PIGF: variants seen among roughly 807,000 people sequenced by gnomAD.
PIGF encodes the protein GPI ethanolamine phosphate transferase, stabilizing subunit.
Under a neutral mutation model 26.0 loss-of-function variants are expected in PIGF, and 23 were observed. The ratio of observed to expected loss-of-function variants is 0.88; its 90% CI spans 0.64 to 1.25. The LOEUF is 1.25. Among genes scored for constraint, PIGF ranks in the 50% most tolerant of loss-of-function variants. The pLI, the probability that PIGF is intolerant of heterozygous loss-of-function variation, is 0.00. For missense variants in PIGF, 278 were observed against 249.9 expected, an observed-to-expected ratio of 1.11 and a Z score of -0.76; for synonymous variants, 93 against 92.6, an observed-to-expected ratio of 1.00 and a Z score of -0.03.
chr2:46,595,987 G>C (rs547689329), intron 4 of PIGF, among the ~76,000 whole-genome samples: 2 of 152,184 alleles, frequency 1.3e-5, no homozygotes, highest in East Asian at 3.9e-4. Context: ...CGCAGAGGCG[G>C]GCGGATCACA....
intron 4 of PIGF, among the ~76,000 whole-genome samples, chr2:46,594,171 T>C (rs1572772292): frequency 6.6e-6 from 1 of 152,356 alleles, no homozygotes; most frequent in Non-Finnish European, 1.5e-5. Context: ...AAGGGAATTG[T>C]ACTATTTTAG....
chr2:46,605,396 T>C (rs1283423429), intron 4 of PIGF, among the ~76,000 whole-genome samples: 2 of 152,116 alleles, frequency 1.3e-5, no homozygotes, highest in Non-Finnish European at 2.9e-5. Context: ...CATAGTTATC[T>C]ATGCACTGTG....
At chr2:46,601,702 G>T (rs1380443241) in intron 4 of PIGF, among the ~76,000 whole-genome samples, 1 of 151,690 alleles carries the variant, frequency 6.6e-6, no homozygotes, top group Non-Finnish European at 1.5e-5. Flanking sequence ...TAAATCTTTG[G>T]TCACTCACTA....
intron 5 of PIGF, chr2:46,581,936 T>A (rs78431968): frequency 1.0e-5 from 2 of 195,048 alleles, no homozygotes; most frequent in African/African-American, 4.8e-5. Flanking sequence ...TTTTTTTTTT[T>A]AATTCCCACT....
At chr2:46,604,803 AG>A (rs1315236772) in intron 4 of PIGF, among the ~76,000 whole-genome samples, 4 of 152,056 alleles carry the variant, frequency 2.6e-5, no homozygotes, top group African/African-American at 9.7e-5. Flanking sequence ...ATAGCAAAAC[AG>A]GGTGACTATA....
At chr2:46,595,198 T>TC (rs1452151646) in intron 4 of PIGF, among the ~76,000 whole-genome samples, 2 of 152,192 alleles carry the variant, frequency 1.3e-5, no homozygotes, top group Non-Finnish European at 2.9e-5. Flanking sequence ...CGTGCAGCCA[T>TC]CACCACTGTA....
chr2:46,583,295 C>A (rs539962361), intron 5 of PIGF, among the ~76,000 whole-genome samples: 32 of 152,256 alleles, frequency 2.1e-4, no homozygotes, highest in African/African-American at 7.7e-4. Context: ...TGTTTCTTGA[C>A]TGGGATTTGG....
chr2:46,598,284 G>T (rs1669950764), intron 4 of PIGF, among the ~76,000 whole-genome samples: 1 of 151,278 alleles, frequency 6.6e-6, no homozygotes, highest in Admixed American at 6.6e-5. Flanking sequence ...TTTCCCCTGA[G>T]TTTCTTTTTT....
chr2:46,584,618 T>TCATGTTATGTAAATCAAGAAGTG (rs1669507763), intron 5 of PIGF, among the ~76,000 whole-genome samples: 2 of 152,174 alleles, frequency 1.3e-5, no homozygotes, highest in Non-Finnish European at 2.9e-5. Context: ...ACTTGGTTAT[T>TCATGTTATGTAAATCAAGAAGTG]CATGTTATGT....
rs186604351 is a variant in PIGF, at chr2:46,610,776, C to T, written c.437+1452G>A. 5.0e-3 allele frequency among the ~76,000 whole-genome samples: 759 copies of T among 152,086 alleles called. 4 individuals carry two copies. The highest frequency in any genetic ancestry group is 0.017 in the African/African-American group (702 of 41,502). On this transcript the variant is annotated intron_variant, in intron 4 of 5. Coordinates refer to ENST00000281382, the MANE Select transcript of PIGF (RefSeq NM_002643.4). ...AACTCCTGACCTCAGGTGATCCACCCGCCTTGGCCTCCCAAAGTGCTGAGA... is the reference window on the plus strand; with the variant it reads ...AACTCCTGACCTCAGGTGATCCACCTGCCTTGGCCTCCCAAAGTGCTGAGA...
chr2:46,609,782 C>T (rs893162607), intron 4 of PIGF, among the ~76,000 whole-genome samples: 10 of 152,004 alleles, frequency 6.6e-5, no homozygotes, highest in African/African-American at 9.7e-5. Flanking sequence ...TTATTAAGAT[C>T]GTCATCTTAT....
intron 4 of PIGF, among the ~76,000 whole-genome samples, 194 bp from the exon 5 acceptor site, chr2:46,592,777 G>C (rs1669761270): frequency 6.6e-6 from 1 of 152,180 alleles, no homozygotes; most frequent in African/African-American, 2.4e-5. Context: ...TTTTCCATTG[G>C]AAAGGTAATA....
Position 46,596,951 on chromosome 2 carries a change from T to C in PIGF, c.438-4368A>G, listed in dbSNP as rs138190207. ...AGTAAATATAATCTTTAATTGTCCATGGATGTTAAGAACTGCCTCTTTTTC... is the reference window on the plus strand; with the variant it reads ...AGTAAATATAATCTTTAATTGTCCACGGATGTTAAGAACTGCCTCTTTTTC... On this transcript the variant is annotated intron_variant, in intron 4 of 5. Coordinates refer to ENST00000281382, the MANE Select transcript of PIGF (RefSeq NM_002643.4). Among the ~76,000 whole-genome samples, 82 of 152,360 alleles carry C rather than the reference T, an allele frequency of 5.4e-4. 1 individual carries two copies. Among genetic ancestry groups the C allele is most frequent in the African/African-American group, 1.8e-3 (75 of 41,580 alleles).
chr2:46,610,280 T>C (rs966304456), intron 4 of PIGF, among the ~76,000 whole-genome samples: 6 of 152,192 alleles, frequency 3.9e-5, no homozygotes, highest in African/African-American at 1.4e-4. Context: ...CACATGACAG[T>C]ATTTCCCCCA....
intron 5 of PIGF, chr2:46,582,380 C>G (rs1186610898): frequency 6.6e-6 from 1 of 151,950 alleles, no homozygotes; most frequent in Non-Finnish European, 1.5e-5. Flanking sequence ...CTGGGGGGAA[C>G]AGGCCACAGA....
rs957253930 is a variant in PIGF at position 46,588,652 on chromosome 2, C to T, written c.546+3823G>A. ...AATTTCCTGTGCTCAGAATAACCAACAATATTTCTTAACCTTCCACTAATT... is the reference window on the plus strand; with the variant it reads ...AATTTCCTGTGCTCAGAATAACCAATAATATTTCTTAACCTTCCACTAATT... On this transcript the variant is annotated intron_variant, in intron 5 of 5. Coordinates refer to ENST00000281382, the MANE Select transcript of PIGF (RefSeq NM_002643.4). This position sits in a 1 kb window ranked among gnomAD's most constrained non-coding sequence, Gnocchi z 4.1. The T allele has an allele frequency of 1.0e-4, 16 of 152,476 alleles. No individual in the cohort carries two copies. The South Asian group carries it at 3.1e-3, about 29-fold the overall frequency. The allele number at this position is 152,476 out of a possible 1,614,324, so 9.4% of individuals were successfully genotyped here.
chr2:46,583,910 G>T (rs760468971), intron 5 of PIGF, among the ~76,000 whole-genome samples: 8 of 152,234 alleles, frequency 5.3e-5, no homozygotes, highest in Admixed American at 1.3e-4. Context: ...TAGTTCTAAA[G>T]TTCTTAAAAA....
chr2:46,597,830 T>G (rs760450968), intron 4 of PIGF, among the ~76,000 whole-genome samples: 17 of 152,348 alleles, frequency 1.1e-4, no homozygotes, highest in Non-Finnish European at 2.2e-4. Flanking sequence ...CTCTAAAAAC[T>G]TTTAGAATGA....
intron 5 of PIGF, among the ~76,000 whole-genome samples, chr2:46,584,949 G>A (rs1399545873): frequency 6.6e-6 from 1 of 152,102 alleles, no homozygotes; most frequent in Non-Finnish European, 1.5e-5. Flanking sequence ...TATGGCAACA[G>A]AATTCATTTG....
Sources: allele counts gnomAD v4.1 joint callset (sites outside exome capture counted in the v4.1 genomes callset), GRCh38; gene constraint gnomAD v4.1.1; non-coding constraint Gnocchi (gnomAD v3.1); transcripts MANE v1.5; gene names NCBI Gene and HGNC (gene_info 2026-07-23, HGNC 2026-07-21).